The following ARHGEF3 variants were observed in gnomAD, a reference collection of about 807,000 sequenced individuals.
ARHGEF3 encodes Rho guanine nucleotide exchange factor 3.
A neutral mutation model predicts 63.2 loss-of-function variants in ARHGEF3; 28 were observed. The ratio of observed to expected loss-of-function variants is 0.44; its 90% CI spans 0.33 to 0.61. The LOEUF is 0.61. Ranked by LOEUF, ARHGEF3 falls within the 20% of genes least tolerant of loss-of-function variation. ARHGEF3 has a pLI of 0.03. For missense variants in ARHGEF3, 533 were observed against 659.3 expected (o/e 0.81, Z 2.10); for synonymous variants, 266 against 254.2 (o/e 1.05, Z -0.44).
intron 1 of ARHGEF3, chr3:57,074,289 C>A (rs768341963): frequency 6.3e-7 from 1 of 1,589,816 alleles, no homozygotes; most frequent in South Asian, 1.1e-5. Context: ...CCTGCAACAT[C>A]TGAGAGTCTG....
chr3:57,043,578 A>G (rs906361889), intron 1 of ARHGEF3, among the ~76,000 whole-genome samples: 18 of 151,944 alleles, frequency 1.2e-4, no homozygotes, highest in Admixed American at 3.3e-4. Flanking sequence ...AAGAGCATCA[A>G]GTCAGCCTGA....
At chr3:56,827,712 C>G (rs1348205961) in intron 4 of ARHGEF3, among the ~76,000 whole-genome samples, 5 of 117,180 alleles carry the variant, frequency 4.3e-5, no homozygotes, top group Non-Finnish European at 8.0e-5. Flanking sequence ...CCTAAGAGTT[C>G]AGAGACCAGC....
intron 1 of ARHGEF3, 77 bp downstream of exon 1, chr3:56,801,626 G>T (rs1344541593): frequency 1.3e-6 from 2 of 1,505,052 alleles, no homozygotes; most frequent in Non-Finnish European, 1.8e-6. Flanking sequence ...CACTGGACGG[G>T]CGCCGAGAAT....
chr3:56,762,378 G>C (rs78360991), intron 2 of ARHGEF3, among the ~76,000 whole-genome samples: 2,235 of 152,204 alleles, frequency 0.015, 29 homozygotes, highest in Non-Finnish European at 0.019. Context: ...AAACAACAAT[G>C]ACCATAAAAC....
intron 1 of ARHGEF3, among the ~76,000 whole-genome samples, chr3:57,056,049 C>T (rs555886269): frequency 4.9e-4 from 75 of 152,096 alleles, no homozygotes; most frequent in African/African-American, 1.8e-3. Flanking sequence ...CAGACATAGC[C>T]CCTACTGTCA....
chr3:56,756,472 C>T (rs894075575), intron 2 of ARHGEF3, among the ~76,000 whole-genome samples: 1 of 151,564 alleles, frequency 6.6e-6, no homozygotes, highest in East Asian at 1.9e-4. Flanking sequence ...ATATGTCATG[C>T]TTTGCCATCC....
chr3:56,847,825 G>A (rs1378951714), intron 4 of ARHGEF3, among the ~76,000 whole-genome samples: 2 of 152,128 alleles, frequency 1.3e-5, no homozygotes, highest in Admixed American at 1.3e-4. Flanking sequence ...CAGTCCTCCC[G>A]CCTTGGCCTC....
intron 1 of ARHGEF3, among the ~76,000 whole-genome samples, chr3:56,779,865 T>C (rs2036484520): frequency 6.6e-6 from 1 of 152,252 alleles, no homozygotes; most frequent in Admixed American, 6.5e-5. Flanking sequence ...TTTCTTCAAC[T>C]GAAAAATGGG....
At chr3:56,826,994 T>G in intron 4 of ARHGEF3, among the ~76,000 whole-genome samples, 1 of 152,142 alleles carries the variant, frequency 6.6e-6, no homozygotes, top group East Asian at 1.9e-4. Flanking sequence ...AAGATGTAAA[T>G]GTAAATATGA....
intron 3 of ARHGEF3, among the ~76,000 whole-genome samples, chr3:56,901,309 C>CA (rs2041494608): frequency 6.6e-6 from 1 of 151,534 alleles, no homozygotes; most frequent in South Asian, 2.1e-4. Context: ...GAGAGTGAAT[C>CA]AAAAATGCAA....
rs145226068 is a variant in ARHGEF3 at position 56,775,560 on chromosome 3, G to T, written c.97-1744C>A. 1.7e-4 allele frequency: 170 copies of T among 986,000 alleles called. No individual in the cohort carries two copies. The African/African-American group carries it at 2.7e-3, about 16-fold the overall frequency. The allele number at this position is 986,000 out of a possible 1,614,324, so 61.1% of individuals were successfully genotyped here. A position where few individuals can be genotyped will look rare whatever the true frequency, so the allele number is the denominator to read the frequency against. The stretch of plus-strand genomic sequence containing the variant: ...AGAAAACTCTCAGAACACTAGGAAG[G>T]CTCAGTTCCAAAATGCAGAGGATGA... On this transcript the variant is annotated intron_variant, in intron 1 of 9. Transcript: ENST00000296315.
chr3:57,014,785 A>G (rs565386619), intron 2 of ARHGEF3, among the ~76,000 whole-genome samples: 1 of 151,616 alleles, frequency 6.6e-6, no homozygotes, highest in East Asian at 1.9e-4. Flanking sequence ...GGCTCAGGCC[A>G]TTGTCCTGCC....
At chr3:56,981,700 G>A (rs1370791666) in intron 2 of ARHGEF3, among the ~76,000 whole-genome samples, 1 of 152,204 alleles carries the variant, frequency 6.6e-6, no homozygotes. Flanking sequence ...TTAGGGACTG[G>A]AGCACTAAGA....
chr3:56,895,052 C>T (rs1191268417), intron 3 of ARHGEF3, among the ~76,000 whole-genome samples: 1 of 152,202 alleles, frequency 6.6e-6, no homozygotes, highest in African/African-American at 2.4e-5. Context: ...CCCTGAATAC[C>T]TGCATGTCCC....
intron 2 of ARHGEF3, among the ~76,000 whole-genome samples, chr3:57,027,787 AG>A (rs1435900810): frequency 6.6e-6 from 1 of 152,020 alleles, no homozygotes; most frequent in African/African-American, 2.4e-5. Flanking sequence ...TGAACCTGGG[AG>A]GTGGAGGTTG....
At chr3:57,033,595 A>G (rs938454944) in intron 2 of ARHGEF3, among the ~76,000 whole-genome samples, 8 of 152,122 alleles carry the variant, frequency 5.3e-5, no homozygotes, top group Non-Finnish European at 5.9e-5. Context: ...TATCTAGATA[A>G]CTAACAAAGT....
intron 6 of ARHGEF3, among the ~76,000 whole-genome samples, chr3:56,746,096 A>G (rs747658010): frequency 3.9e-5 from 6 of 152,228 alleles, no homozygotes. Context: ...TCAGAGATTC[A>G]ACGGAAAAGG....
intron 3 of ARHGEF3, among the ~76,000 whole-genome samples, chr3:56,924,271 C>T (rs1481089330): frequency 1.3e-5 from 2 of 152,176 alleles, no homozygotes; most frequent in African/African-American, 4.8e-5. Flanking sequence ...ATTCAGCACT[C>T]TTTTTAAAAA....
chr3:56,899,532 T>C (rs1403478873), intron 3 of ARHGEF3, among the ~76,000 whole-genome samples: 1 of 152,256 alleles, frequency 6.6e-6, no homozygotes, highest in African/African-American at 2.4e-5. Flanking sequence ...TTTTGATACT[T>C]ATCTATTTAT....
Sources: allele counts gnomAD v4.1 joint callset (sites outside exome capture counted in the v4.1 genomes callset), GRCh38; gene constraint gnomAD v4.1.1; transcripts MANE v1.5; gene names NCBI Gene and HGNC (gene_info 2026-07-23, HGNC 2026-07-21).